NSD1: variants seen among roughly 807,000 people sequenced by gnomAD.
NSD1 encodes the protein nuclear receptor binding SET domain protein 1, also known as histone-lysine N-methyltransferase, H3 lysine-36 specific.
Under a neutral mutation model 242.7 loss-of-function variants are expected in NSD1, and 26 were observed. The observed-to-expected ratio is 0.11, with a 90% CI of 0.08 to 0.15. The LOEUF is 0.15. NSD1 is among the 10% of genes least tolerant of loss of function. The pLI, the probability that NSD1 is intolerant of heterozygous loss-of-function variation, is 1.00. For missense variants in NSD1, 2,495 were observed against 3,272.8 expected, an observed-to-expected ratio of 0.76 and a Z score of 5.80; for synonymous variants, 1,106 against 1,178.1, an observed-to-expected ratio of 0.94 and a Z score of 1.25.
At position 177,295,619 on chromosome 5, in the gene NSD1, CATT is replaced by C. The variant is rs558322813; in HGVS notation, c.*162_*164del. The C allele has an allele frequency of 1.2e-6, 1 of 815,142 alleles. No homozygotes were observed. Among genetic ancestry groups the C allele is most frequent in the African/African-American group, 1.7e-5 (1 of 58,772 alleles). The allele number at this position is 815,142 out of a possible 1,614,324, so 50.5% of individuals were successfully genotyped here. On this transcript the variant is annotated 3_prime_UTR_variant, in exon 23 of 23. Transcript: ENST00000439151. The surrounding 1 kb of genome is among the most constrained non-coding windows in gnomAD (Gnocchi z 4.3). ...ATCCCAACACTCAGAACTCTTGTGA[CATT>C]AGCCAGTGGGGGCTTATGGTTGTGT...
intron 2 of NSD1, among the ~76,000 whole-genome samples, chr5:177,161,157 G>A (rs531779463): frequency 1.2e-4 from 19 of 152,210 alleles, no homozygotes; most frequent in Non-Finnish European, 2.5e-4. Context: ...ACTGAGGTGG[G>A]AGTCTAGCTT....
chr5:177,149,429 A>G (rs1162156315), intron 2 of NSD1, among the ~76,000 whole-genome samples: 1 of 152,018 alleles, frequency 6.6e-6, no homozygotes, highest in Non-Finnish European at 1.5e-5. Context: ...CACGTTGGCC[A>G]GGCTGTTCTT....
At chr5:177,259,142 A>G (rs1171514641) in intron 13 of NSD1, among the ~76,000 whole-genome samples, 2 of 152,238 alleles carry the variant, frequency 1.3e-5, no homozygotes, top group Non-Finnish European at 2.9e-5. Context: ...GAAAAACCCA[A>G]TACTGTATCT....
intron 5 of NSD1, among the ~76,000 whole-genome samples, chr5:177,216,063 A>G (rs1319891165): frequency 2.0e-5 from 3 of 152,050 alleles, no homozygotes; most frequent in African/African-American, 7.2e-5. Context: ...GTTTCTGGCT[A>G]TGCTGCCCAG....
At position 177,220,945 on chromosome 5, in the gene NSD1, A is replaced by G. The variant is rs1219732737; in HGVS notation, c.3796+8750A>G. On this transcript the variant is annotated intron_variant, in intron 5 of 22. Coordinates refer to ENST00000439151, the MANE Select transcript of NSD1 (RefSeq NM_022455.5). ...AGTGGGGCAATCTCAGCTCACTGCA[A>G]CCTCCACCTCTGGGTTCAAGCGATT... is the stretch of plus-strand genomic sequence containing the variant. 13 of 442,952 alleles carry G rather than the reference A, an allele frequency of 2.9e-5. No homozygotes were observed. The East Asian group carries it at 3.7e-4, about 13-fold the overall frequency. 27.4% of individuals were successfully genotyped at this position (442,952 alleles called of 1,614,324 possible). A position where few individuals can be genotyped will look rare whatever the true frequency, so the allele number is the denominator to read the frequency against.
chr5:177,206,884 A>T (rs1356515423), intron 4 of NSD1, among the ~76,000 whole-genome samples: 1 of 150,844 alleles, frequency 6.6e-6, no homozygotes, highest in Non-Finnish European at 1.5e-5. Context: ...ACACTACCAG[A>T]TTGTCCGTTT....
At chr5:177,220,592 CAG>C (rs1407346109) in intron 5 of NSD1, among the ~76,000 whole-genome samples, 3 of 80,012 alleles carry the variant, frequency 3.7e-5, no homozygotes, top group African/African-American at 1.5e-4. Flanking sequence ...TTTTTTGAAA[CAG>C]AGGCTTGCTC....
In NSD1 at chr5:177,203,613, G is replaced by C. The variant is rs530804224; in HGVS notation, c.1064-507G>C. On this transcript the variant is annotated intron_variant, in intron 3 of 22. Coordinates refer to ENST00000439151, the MANE Select transcript of NSD1 (RefSeq NM_022455.5). ...ATCCATGCAAAGCACCTTGTGTGGT[G>C]CTCGTCTATGAGTAGCTACACTATA... is the stretch of plus-strand genomic sequence containing the variant. Among the ~76,000 whole-genome samples, 33 of 152,254 alleles carry C rather than the reference G, an allele frequency of 2.2e-4. No individual in the cohort carries two copies. In the South Asian group the frequency reaches 6.8e-3, roughly 32 times the overall value.
chr5:177,246,618 T>C, intron 9 of NSD1, 60 bp from the exon 10 acceptor site: 2 of 1,107,420 alleles, frequency 1.8e-6, no homozygotes, highest in Non-Finnish European at 2.8e-6. Flanking sequence ...AATAATAGGA[T>C]AAGAGATTTT....
intron 19 of NSD1, 25 bp from the exon 20 acceptor site, chr5:177,283,762 T>C (rs1759084195): frequency 1.9e-6 from 3 of 1,613,622 alleles, no homozygotes; most frequent in African/African-American, 2.7e-5. Flanking sequence ...GGAAGTCTGA[T>C]GTGTAGCTTC....
intron 14 of NSD1, chr5:177,266,076 G>A (rs538606994): frequency 2.7e-6 from 3 of 1,116,664 alleles, no homozygotes; most frequent in East Asian, 2.4e-5. Context: ...TTGTACTGCC[G>A]GTCCTCGGTG....
At chr5:177,248,393 C>T in intron 11 of NSD1, 69 bp downstream of exon 11, 1 of 1,519,236 alleles carries the variant, frequency 6.6e-7, no homozygotes, top group Non-Finnish European at 9.0e-7. Flanking sequence ...CACTCCATCT[C>T]TTTATGATGG....
intron 5 of NSD1, among the ~76,000 whole-genome samples, chr5:177,224,489 T>C (rs182851920): frequency 6.6e-6 from 1 of 152,110 alleles, no homozygotes; most frequent in Admixed American, 6.6e-5. Flanking sequence ...TTTTGTATAT[T>C]ATTTTAATAT....
In NSD1 at chr5:177,134,066, A is replaced by T. The variant is rs868754969; in HGVS notation, c.-18+114A>T. On this transcript the variant is annotated intron_variant, in intron 1 of 22. Coordinates refer to ENST00000439151, the MANE Select transcript of NSD1 (RefSeq NM_022455.5). This position sits in a 1 kb window ranked among gnomAD's most constrained non-coding sequence, Gnocchi z 4.2. The stretch of plus-strand genomic sequence containing the variant: ...AAGGTGAGGGGCTCGGGGGAGGGCC[A>T]GGCGCGATGCGGGGTTGGTGGCCGG... 6.8e-6 allele frequency: 1 copy of T among 147,198 alleles called. No homozygotes were observed. The highest frequency in any genetic ancestry group is 1.5e-5 in the Non-Finnish European group (1 of 66,818). The allele number at this position is 147,198 out of a possible 1,614,324, so 9.1% of individuals were successfully genotyped here. A position where few individuals can be genotyped will look rare whatever the true frequency, so the allele number is the denominator to read the frequency against.
chr5:177,230,170 G>C (rs1246227750), intron 5 of NSD1, among the ~76,000 whole-genome samples: 1 of 152,044 alleles, frequency 6.6e-6, no homozygotes, highest in African/African-American at 2.4e-5. Flanking sequence ...CGCCCTGGCT[G>C]GAGTGCAGTG....
At position 177,273,808 on chromosome 5, in the gene NSD1, C is replaced by A. The variant is rs771329293; in HGVS notation, c.5622+24C>A. On this transcript the variant is annotated intron_variant, in intron 17 of 22. Coordinates refer to ENST00000439151, the MANE Select transcript of NSD1 (RefSeq NM_022455.5). ...AGGTGAGGAGAAAATCTTGGGGGAC[C>A]TTCTCTAGAAGAGAAATGGAATAGC... 14 of 1,484,840 alleles carry A rather than the reference C, an allele frequency of 9.4e-6. No homozygotes were observed. In the Middle Eastern group the frequency reaches 8.6e-4, roughly 91 times the overall value. The allele number at this position is 1,484,840 out of a possible 1,614,324, so 92.0% of individuals were successfully genotyped here. A position where few individuals can be genotyped will look rare whatever the true frequency, so the allele number is the denominator to read the frequency against.
intron 11 of NSD1, among the ~76,000 whole-genome samples, chr5:177,248,530 G>T (rs10056245): frequency 1.3e-5 from 2 of 151,938 alleles, no homozygotes. Flanking sequence ...GGTGAACCAC[G>T]TGCCCTTAAG....
chr5:177,242,179 G>A (rs746083964), intron 8 of NSD1, among the ~76,000 whole-genome samples: 1 of 152,004 alleles, frequency 6.6e-6, no homozygotes, highest in East Asian at 1.9e-4. Flanking sequence ...TCTGACTGTA[G>A]TTTGGGGAGC....
At chr5:177,226,604 AC>A (rs1444412794) in intron 5 of NSD1, among the ~76,000 whole-genome samples, 1 of 152,170 alleles carries the variant, frequency 6.6e-6, no homozygotes, top group East Asian at 1.9e-4. Flanking sequence ...ACAGCCGTGT[AC>A]TACCATGCCC....
Sources: allele counts gnomAD v4.1 joint callset (sites outside exome capture counted in the v4.1 genomes callset), GRCh38; gene constraint gnomAD v4.1.1; non-coding constraint Gnocchi (gnomAD v3.1); transcripts MANE v1.5; gene names NCBI Gene and HGNC (gene_info 2026-07-23, HGNC 2026-07-21).